SKAP1: variants seen among roughly 807,000 people sequenced by gnomAD.
SKAP1 encodes the protein src kinase-associated phosphoprotein 1.
SKAP1 carries 44 observed loss-of-function variants against 58.5 expected under a neutral mutation model. The observed-to-expected ratio is 0.75, with a 90% CI of 0.59 to 0.97. The LOEUF (loss-of-function observed/expected upper bound fraction) is 0.97, where lower values mean the gene tolerates loss of function less well. Ranked by LOEUF, SKAP1 falls within the 50% of genes least tolerant of loss-of-function variation. The pLI, the probability that SKAP1 is intolerant of heterozygous loss-of-function variation, is 0.00. For synonymous variants in SKAP1, 127 were observed against 149.7 expected (o/e 0.85, Z 1.11); for missense variants, 390 against 435.2 (o/e 0.90, Z 0.92).
chr17:48,180,314 G>A (rs572663875), intron 8 of SKAP1, 66 bp from the exon 9 acceptor site: 3 of 1,207,924 alleles, frequency 2.5e-6, no homozygotes, highest in East Asian at 5.2e-5. Context: ...GGAAAGGAAA[G>A]AGGGAGAAGG....
intron 3 of SKAP1, among the ~76,000 whole-genome samples, chr17:48,361,173 T>G (rs768657905): frequency 3.9e-4 from 60 of 151,978 alleles, no homozygotes; most frequent in Non-Finnish European, 6.5e-4. Flanking sequence ...TTATGGTATG[T>G]GAATTATATC....
intron 11 of SKAP1, among the ~76,000 whole-genome samples, chr17:48,155,958 C>T (rs146838435): frequency 1.4e-3 from 206 of 152,342 alleles, no homozygotes; most frequent in African/African-American, 4.6e-3. Flanking sequence ...CACTATCACA[C>T]GGAGGGTGAT....
At chr17:48,164,367 T>C (rs971164352) in intron 10 of SKAP1, among the ~76,000 whole-genome samples, 1 of 152,202 alleles carries the variant, frequency 6.6e-6, no homozygotes, top group Admixed American at 6.5e-5. Context: ...TATTTCTAAG[T>C]GGTAAGGAGA....
At chr17:48,188,515 TG>T (rs988894051) in intron 5 of SKAP1, among the ~76,000 whole-genome samples, 2 of 152,032 alleles carry the variant, frequency 1.3e-5, no homozygotes, top group African/African-American at 4.8e-5. Context: ...AGTGAGACCT[TG>T]TCTCTATAAA....
In SKAP1 at chr17:48,134,133, A is replaced by G. The variant is rs117031342; in HGVS notation, c.*8-317T>C. Among the ~76,000 whole-genome samples the G allele has an allele frequency of 9.1e-3, 1,389 of 152,232 alleles. 11 individuals carry two copies. Among genetic ancestry groups the G allele is most frequent in the Non-Finnish European group, 0.014 (937 of 68,014 alleles). ...GTTTCCCTTTCTTTTTTACTGTTGC[A>G]TAATATTCACTTCTATGAATGTACT... On this transcript the variant is annotated intron_variant, in intron 12 of 12. Transcript: ENST00000336915.
At chr17:48,270,284 C>G (rs1426427886) in intron 4 of SKAP1, among the ~76,000 whole-genome samples, 1 of 152,080 alleles carries the variant, frequency 6.6e-6, no homozygotes, top group Non-Finnish European at 1.5e-5. Context: ...CTCACACATA[C>G]ACACCTAATT....
intron 1 of SKAP1, among the ~76,000 whole-genome samples, chr17:48,408,894 G>A (rs545133489): frequency 6.6e-6 from 1 of 152,338 alleles, no homozygotes; most frequent in South Asian, 2.1e-4. Context: ...CTTCACTGCT[G>A]TACTTCACTA....
intron 2 of SKAP1, among the ~76,000 whole-genome samples, chr17:48,388,823 T>C (rs902077145): frequency 1.3e-5 from 2 of 152,258 alleles, no homozygotes; most frequent in Admixed American, 1.3e-4. Context: ...ATTTCTCATA[T>C]ACCAGTTCTC....
At chr17:48,348,603 C>T (rs757593598) in intron 3 of SKAP1, among the ~76,000 whole-genome samples, 3 of 152,144 alleles carry the variant, frequency 2.0e-5, no homozygotes, top group Non-Finnish European at 4.4e-5. Context: ...TGGTATATTG[C>T]TATTAACTAA....
intron 4 of SKAP1, among the ~76,000 whole-genome samples, chr17:48,239,276 G>A (rs1008556714): frequency 2.0e-5 from 3 of 152,186 alleles, no homozygotes; most frequent in African/African-American, 7.2e-5. Context: ...CAGTATCTCA[G>A]ACCCAGGCTG....
chr17:48,353,633 T>G (rs1374136720), intron 3 of SKAP1, among the ~76,000 whole-genome samples: 3 of 152,140 alleles, frequency 2.0e-5, no homozygotes, highest in African/African-American at 7.2e-5. Flanking sequence ...CAGTGGCTCA[T>G]GCCTATAATT....
intron 11 of SKAP1, among the ~76,000 whole-genome samples, chr17:48,151,711 G>A (rs1457237659): frequency 6.6e-6 from 1 of 152,072 alleles, no homozygotes; most frequent in African/African-American, 2.4e-5. Context: ...AAACGGTAAA[G>A]TTCACAATGC....
intron 2 of SKAP1, among the ~76,000 whole-genome samples, chr17:48,393,956 C>T (rs554507561): frequency 6.6e-6 from 1 of 152,168 alleles, no homozygotes; most frequent in African/African-American, 2.4e-5. Flanking sequence ...TAAAAATAGG[C>T]CAGGCACAGA....
chr17:48,154,649 T>A (rs904748244), intron 11 of SKAP1, among the ~76,000 whole-genome samples: 10 of 152,122 alleles, frequency 6.6e-5, no homozygotes, highest in African/African-American at 2.4e-4. Flanking sequence ...TCCTTCCTAG[T>A]CAATTGAAAA....
chr17:48,399,056 A>C (rs2067459935), intron 1 of SKAP1, among the ~76,000 whole-genome samples: 1 of 151,372 alleles, frequency 6.6e-6, no homozygotes, highest in African/African-American at 2.4e-5. Flanking sequence ...AAAACCACCA[A>C]ACAAAAAATC....
chr17:48,444,034 T>A, the SKAP1 span, among the ~76,000 whole-genome samples: 1 of 152,158 alleles, frequency 6.6e-6, no homozygotes, highest in Non-Finnish European at 1.5e-5. Flanking sequence ...ATTACAGTCA[T>A]CACGCTCCTT....
intron 11 of SKAP1, among the ~76,000 whole-genome samples, chr17:48,158,567 CAAAAA>C (rs1171183021): frequency 2.6e-4 from 16 of 61,526 alleles, no homozygotes; most frequent in African/African-American, 4.1e-4. Context: ...GACTCTGTCT[CAAAAA>C]AAAAAAAAAA....
intron 4 of SKAP1, among the ~76,000 whole-genome samples, chr17:48,268,787 C>T (rs2065589075): frequency 3.9e-5 from 6 of 152,164 alleles, no homozygotes; most frequent in Admixed American, 3.9e-4. Flanking sequence ...CCACTGTGCC[C>T]GGCCTCAAGT....
chr17:48,423,843 A>G (rs958754349), intron 1 of SKAP1, among the ~76,000 whole-genome samples: 3 of 151,736 alleles, frequency 2.0e-5, no homozygotes, highest in African/African-American at 7.3e-5. Context: ...TGCAGCCTCA[A>G]CCTTCTGGGC....
Sources: gnomAD v4.1 joint callset for allele counts (sites outside exome capture counted in the v4.1 genomes callset) on GRCh38, gnomAD v4.1.1 for gene constraint, MANE v1.5 for transcripts, NCBI Gene and HGNC (gene_info 2026-07-23, HGNC 2026-07-21) for gene names.